The following NAALADL2 variants were observed in gnomAD, a reference collection of about 807,000 sequenced individuals.
NAALADL2 encodes inactive N-acetylated-alpha-linked acidic dipeptidase-like protein 2.
NAALADL2 carries 76 observed loss-of-function variants against 87.2 expected under a neutral mutation model. That is an observed-to-expected ratio of 0.87 (90% CI 0.72 to 1.05). The LOEUF (loss-of-function observed/expected upper bound fraction) is 1.05. Ranked by LOEUF, NAALADL2 falls within the 50% of genes least tolerant of loss-of-function variation. NAALADL2 has a pLI of 0.00. For synonymous variants in NAALADL2, 354 were observed against 331.0 expected, an observed-to-expected ratio of 1.07 and a Z score of -0.75; for missense variants, 1,089 against 945.8, an observed-to-expected ratio of 1.15 and a Z score of -1.99.
intron 4 of NAALADL2, among the ~76,000 whole-genome samples, chr3:175,319,101 G>A (rs1173358802): frequency 1.3e-5 from 2 of 152,176 alleles, no homozygotes; most frequent in African/African-American, 4.8e-5. Context: ...GTGGGGGTGA[G>A]GATTTGAAGA....
chr3:174,909,582 A>G (rs1733423289), intron 1 of NAALADL2, among the ~76,000 whole-genome samples: 1 of 152,108 alleles, frequency 6.6e-6, no homozygotes, highest in African/African-American at 2.4e-5. Context: ...TATTGTTGAA[A>G]CATTCAAAAT....
chr3:174,722,825 A>G (rs1441256467), intron 2 of NAALADL2, among the ~76,000 whole-genome samples: 1 of 152,234 alleles, frequency 6.6e-6, no homozygotes, highest in Non-Finnish European at 1.5e-5. Context: ...AAATTTAAAA[A>G]CAACATAATT....
chr3:175,368,657 C>G (rs950054759), intron 5 of NAALADL2, among the ~76,000 whole-genome samples: 1 of 151,542 alleles, frequency 6.6e-6, no homozygotes, highest in African/African-American at 2.4e-5. Context: ...AATGGAGATG[C>G]TTTCTGAGAA....
intron 11 of NAALADL2, among the ~76,000 whole-genome samples, chr3:175,674,561 G>A (rs116827253): frequency 0.02 from 3,081 of 152,140 alleles, 112 homozygotes; most frequent in African/African-American, 0.07. Context: ...ACCGTGCCCG[G>A]CGACAGTTTG....
intron 2 of NAALADL2, among the ~76,000 whole-genome samples, chr3:175,111,535 C>T (rs1016748044): frequency 2.6e-5 from 4 of 151,618 alleles, no homozygotes; most frequent in Non-Finnish European, 5.9e-5. Flanking sequence ...TATCAACTTA[C>T]GATCTTTTTC....
At chr3:174,848,570 T>C (rs768251978) in intron 3 of NAALADL2, among the ~76,000 whole-genome samples, 1 of 152,170 alleles carries the variant, frequency 6.6e-6, no homozygotes, top group Non-Finnish European at 1.5e-5. Flanking sequence ...TATAGAGGAC[T>C]CACTGACTGT....
chr3:175,048,985 A>G (rs1382913419), intron 1 of NAALADL2, among the ~76,000 whole-genome samples: 1 of 152,164 alleles, frequency 6.6e-6, no homozygotes, highest in African/African-American at 2.4e-5. Flanking sequence ...AACAGTATAA[A>G]TTAGGGATGT....
intron 2 of NAALADL2, among the ~76,000 whole-genome samples, chr3:175,173,600 T>G (rs1414972504): frequency 6.6e-6 from 1 of 152,236 alleles, no homozygotes; most frequent in Non-Finnish European, 1.5e-5. Flanking sequence ...ATATTATATT[T>G]GATACATGTT....
intron 11 of NAALADL2, among the ~76,000 whole-genome samples, chr3:175,684,149 C>A (rs1169433052): frequency 2.1e-5 from 3 of 146,242 alleles, no homozygotes; most frequent in Non-Finnish European, 4.4e-5. Flanking sequence ...ACATGGCAAT[C>A]ACTTTAAAAA....
intron 5 of NAALADL2, chr3:175,397,419 A>G (rs186034606): frequency 6.6e-6 from 1 of 152,210 alleles, no homozygotes; most frequent in Admixed American, 6.5e-5. Flanking sequence ...GGGCACAGGT[A>G]TAACAGAGGG....
At chr3:174,962,116 C>G (rs1189970497) in intron 1 of NAALADL2, among the ~76,000 whole-genome samples, 1 of 151,750 alleles carries the variant, frequency 6.6e-6, no homozygotes, top group African/African-American at 2.4e-5. Flanking sequence ...TCATGAGTAG[C>G]CCTATGGAGA....
At chr3:174,950,193 A>G (rs2108507854) in intron 1 of NAALADL2, among the ~76,000 whole-genome samples, 1 of 152,130 alleles carries the variant, frequency 6.6e-6, no homozygotes, top group South Asian at 2.1e-4. Context: ...GATCTTACAT[A>G]CTTGATGAAA....
chr3:174,665,961 A>G (rs1252041567), intron 2 of NAALADL2, among the ~76,000 whole-genome samples: 2 of 152,168 alleles, frequency 1.3e-5, no homozygotes, highest in Admixed American at 1.3e-4. Flanking sequence ...TATAAGGACA[A>G]CAGTCATTGG....
chr3:175,673,871 A>G (rs1366924641), intron 11 of NAALADL2, among the ~76,000 whole-genome samples: 1 of 151,792 alleles, frequency 6.6e-6, no homozygotes, highest in Non-Finnish European at 1.5e-5. Context: ...CCATGCATAT[A>G]GGCAGGTGGA....
intron 2 of NAALADL2, among the ~76,000 whole-genome samples, chr3:174,692,505 C>T (rs1004824879): frequency 6.6e-6 from 1 of 151,894 alleles, no homozygotes; most frequent in African/African-American, 2.4e-5. Context: ...TGTAATTTTT[C>T]AGTTGTTATG....
chr3:174,854,639 AC>A (rs1725642457), upstream of NAALADL2, among the ~76,000 whole-genome samples: 1 of 152,122 alleles, frequency 6.6e-6, no homozygotes, highest in South Asian at 2.1e-4. Context: ...TATCACTTTT[AC>A]CACATACATA....
chr3:174,955,342 C>T (rs1416114559), intron 1 of NAALADL2, among the ~76,000 whole-genome samples: 2 of 152,106 alleles, frequency 1.3e-5, no homozygotes, highest in African/African-American at 4.8e-5. Flanking sequence ...AGAGAAGTTT[C>T]ACAGACTGAT....
intron 3 of NAALADL2, among the ~76,000 whole-genome samples, chr3:175,247,550 C>T (rs1748212475): frequency 6.9e-6 from 1 of 145,448 alleles, no homozygotes; most frequent in African/African-American, 2.6e-5. Flanking sequence ...ATCCAAGACC[C>T]TATGGGACAT....
At chr3:174,725,974 C>T (rs1419956580) in intron 2 of NAALADL2, among the ~76,000 whole-genome samples, 1 of 152,086 alleles carries the variant, frequency 6.6e-6, no homozygotes, top group African/African-American at 2.4e-5. Context: ...ATTATCTACC[C>T]TCTATTCTTA....
Sources: allele counts gnomAD v4.1 joint callset (sites outside exome capture counted in the v4.1 genomes callset), GRCh38; gene constraint gnomAD v4.1.1; transcripts MANE v1.5; gene names NCBI Gene and HGNC (gene_info 2026-07-23, HGNC 2026-07-21).